Variants in ATP8B1 observed in about 807,000 individuals in gnomAD.
ATP8B1 encodes the protein phospholipid-transporting ATPase IC.
ATP8B1 carries 80 observed loss-of-function variants against 149.9 expected under a neutral mutation model. The ratio of observed to expected loss-of-function variants is 0.53; its 90% CI spans 0.45 to 0.64. ATP8B1 has a LOEUF of 0.64. ATP8B1 is among the 30% of genes least tolerant of loss of function. The probability of loss-of-function intolerance (pLI) is 0.00; values close to 1 mark genes in which losing one functional copy is unlikely to be tolerated. For missense variants in ATP8B1, 1,247 were observed against 1,552.6 expected (o/e 0.80, Z 3.31); for synonymous variants, 536 against 562.8 (o/e 0.95, Z 0.67).
intron 1 of ATP8B1, among the ~76,000 whole-genome samples, chr18:57,770,267 AG>A (rs1370727518): frequency 6.6e-6 from 1 of 152,180 alleles, no homozygotes; most frequent in Non-Finnish European, 1.5e-5. Flanking sequence ...CTCAGGCAGA[AG>A]TGCCTCAGCC....
intron 1 of ATP8B1, among the ~76,000 whole-genome samples, chr18:57,781,729 C>T (rs1244567735): frequency 6.6e-6 from 1 of 152,146 alleles, no homozygotes; most frequent in African/African-American, 2.4e-5. Flanking sequence ...AATTCCAGTA[C>T]TTTGGGAGGC....
At chr18:57,672,908 A>AG (rs1911312604) in intron 16 of ATP8B1, among the ~76,000 whole-genome samples, 1 of 74,356 alleles carries the variant, frequency 1.3e-5, no homozygotes, top group African/African-American at 4.5e-5. Context: ...ATATATATAT[A>AG]TATATATATA....
At chr18:57,785,331 G>A (rs2080396404) in intron 1 of ATP8B1, among the ~76,000 whole-genome samples, 1 of 152,178 alleles carries the variant, frequency 6.6e-6, no homozygotes, top group Non-Finnish European at 1.5e-5. Context: ...AATAACATTT[G>A]TAAAAATATC....
chr18:57,787,699 A>G (rs1219522064), intron 1 of ATP8B1, among the ~76,000 whole-genome samples: 3 of 152,200 alleles, frequency 2.0e-5, no homozygotes, highest in African/African-American at 7.2e-5. Flanking sequence ...TAAAAAGTCT[A>G]TTCCTTTAAA....
rs966750175 is a variant in ATP8B1 at position 57,784,731 on chromosome 18, T to G, written c.-26+18267A>C. Among the ~76,000 whole-genome samples the G allele has an allele frequency of 6.6e-6, 1 of 152,100 alleles. No individual in the cohort carries two copies. The highest frequency in any genetic ancestry group is 1.5e-5 in the Non-Finnish European group (1 of 68,022). On this transcript the variant is annotated intron_variant, in intron 1 of 27. Transcript: ENST00000648908. The surrounding 1 kb of genome is among the most constrained non-coding windows in gnomAD (Gnocchi z 4.4). ...GACTAAGTCCTGCGAAACCGTAGCA[T>G]TTTAAGAGGACTCCTACCCGTGGTT...
chr18:57,661,055 T>C (rs898121776), intron 22 of ATP8B1, 119 bp downstream of exon 22: 1 of 1,344,946 alleles, frequency 7.4e-7, no homozygotes, highest in Non-Finnish European at 1.0e-6. Flanking sequence ...TTATGAAACA[T>C]CTGCTCTATG....
chr18:57,753,315 A>G (rs898611228), intron 1 of ATP8B1, among the ~76,000 whole-genome samples: 9 of 152,242 alleles, frequency 5.9e-5, no homozygotes, highest in Non-Finnish European at 1.3e-4. Flanking sequence ...TGGAAATAAT[A>G]TGGAAAGAGA....
chr18:57,763,159 C>T (rs1010975085), intron 1 of ATP8B1, among the ~76,000 whole-genome samples: 4 of 152,068 alleles, frequency 2.6e-5, no homozygotes, highest in Admixed American at 6.6e-5. Flanking sequence ...TTTGGGAAGC[C>T]GAAGCGGGCA....
chr18:57,662,731 C>T, intron 20 of ATP8B1, 116 bp from the exon 21 acceptor site: 1 of 1,179,730 alleles, frequency 8.5e-7, no homozygotes, highest in Non-Finnish European at 1.2e-6. Flanking sequence ...ACCATCTTAC[C>T]TATTTTTGTT....
intron 1 of ATP8B1, among the ~76,000 whole-genome samples, chr18:57,786,319 C>T (rs1351537184): frequency 1.3e-5 from 2 of 152,212 alleles, no homozygotes; most frequent in Admixed American, 1.3e-4. Context: ...CACACCTTTG[C>T]TGCCGTGGCT....
At chr18:57,742,180 A>G (rs549680002) in intron 1 of ATP8B1, among the ~76,000 whole-genome samples, 1 of 152,298 alleles carries the variant, frequency 6.6e-6, no homozygotes, top group Admixed American at 6.5e-5. Flanking sequence ...AATGCTCAGT[A>G]TTCTTGAAAG....
chr18:57,702,186 A>C (rs1913162305), intron 4 of ATP8B1, among the ~76,000 whole-genome samples: 1 of 152,202 alleles, frequency 6.6e-6, no homozygotes, highest in African/African-American at 2.4e-5. Context: ...CATGATCATC[A>C]CTATTGGCCT....
intron 27 of ATP8B1, among the ~76,000 whole-genome samples, chr18:57,649,884 G>A (rs1458181076): frequency 6.6e-6 from 1 of 152,142 alleles, no homozygotes; most frequent in Non-Finnish European, 1.5e-5. Context: ...GAGATGGCAA[G>A]AACCAGCCCA....
intron 2 of ATP8B1, among the ~76,000 whole-genome samples, chr18:57,717,811 C>T (rs1026961071): frequency 3.3e-5 from 5 of 151,114 alleles, no homozygotes; most frequent in African/African-American, 1.2e-4. Flanking sequence ...TCTTGGCTCA[C>T]TGCAACCTCC....
rs2437036 is a variant in ATP8B1, at chr18:57,802,254, T to G, written c.-26+744A>C. ...GCGCCCCCCAACAAGTTGCCCCTCC[T>G]CGTGCACACAGCGAGGTGACAGCGC... On this transcript the variant is annotated intron_variant, in intron 1 of 27. Transcript: ENST00000648908. This position sits in a 1 kb window ranked among gnomAD's most constrained non-coding sequence, Gnocchi z 4.9. 0.32 allele frequency among the ~76,000 whole-genome samples: 48,942 copies of G among 151,890 alleles called. 9,041 individuals carry two copies. The highest frequency in any genetic ancestry group is 0.75 in the East Asian group (3,867 of 5,148).
chr18:57,753,948 AGAAAGAAAG>A (rs1568054995), intron 1 of ATP8B1, among the ~76,000 whole-genome samples: 6 of 80,484 alleles, frequency 7.5e-5, no homozygotes, highest in Admixed American at 1.3e-4. Flanking sequence ...AAAAAAAAAA[AGAAAGAAAG>A]AAAAGAAAAA....
Position 57,721,600 on chromosome 18 carries a change from A to G in ATP8B1, c.181+10027T>C, listed in dbSNP as rs372569385. On this transcript the variant is annotated intron_variant, in intron 2 of 27. Coordinates refer to ENST00000648908, the MANE Select transcript of ATP8B1 (RefSeq NM_001374385.1). The stretch of plus-strand genomic sequence containing the variant: ...AGGAGCACCCAGATTCATAAAGCAA[A>G]TCCTGAGTGACCTACAAAGAGACTT... Among the ~76,000 whole-genome samples the G allele has an allele frequency of 2.4e-3, 367 of 150,998 alleles. 1 individual carries two copies. The highest frequency in any genetic ancestry group is 4.0e-3 in the Non-Finnish European group (273 of 67,482).
intron 19 of ATP8B1, chr18:57,668,116 C>T (rs1382862905): frequency 1.5e-6 from 2 of 1,341,230 alleles, no homozygotes; most frequent in Admixed American, 2.2e-5. Flanking sequence ...ACTGGAAGGA[C>T]AGAGGGACAA....
intron 17 of ATP8B1, among the ~76,000 whole-genome samples, chr18:57,670,541 G>A (rs999685685): frequency 9.2e-5 from 14 of 151,366 alleles, no homozygotes; most frequent in South Asian, 2.1e-4. Flanking sequence ...TGGTAGAGAC[G>A]GGGTTTCACC....
Sources: allele counts gnomAD v4.1 joint callset (sites outside exome capture counted in the v4.1 genomes callset), GRCh38; gene constraint gnomAD v4.1.1; non-coding constraint Gnocchi (gnomAD v3.1); transcripts MANE v1.5; gene names NCBI Gene and HGNC (gene_info 2026-07-23, HGNC 2026-07-21).